NELL1: variants seen among roughly 807,000 people sequenced by gnomAD.
NELL1 encodes the protein protein kinase C-binding protein NELL1.
A neutral mutation model predicts 107.4 loss-of-function variants in NELL1; 76 were observed. The ratio of observed to expected loss-of-function variants is 0.71; its 90% CI spans 0.59 to 0.86. NELL1 has a LOEUF of 0.86. Among genes scored for constraint, NELL1 ranks in the 40% least tolerant of loss-of-function variants. The pLI is 0.00. For missense variants in NELL1, 1,024 were observed against 1,005.5 expected (o/e 1.02, Z -0.25); for synonymous variants, 353 against 341.2 (o/e 1.03, Z -0.38).
At chr11:21,000,799 C>T (rs571437309) in intron 12 of NELL1, 5 of 152,302 alleles carry the variant, frequency 3.3e-5, no homozygotes, top group Admixed American at 1.3e-4. Flanking sequence ...AGCCCACATG[C>T]GTAGAACAGA....
At chr11:20,792,430 T>A (rs1173855503) in intron 3 of NELL1, among the ~76,000 whole-genome samples, 1 of 152,026 alleles carries the variant, frequency 6.6e-6, no homozygotes, top group Non-Finnish European at 1.5e-5. Context: ...TTTCCAACTT[T>A]AATAAGGTCC....
chr11:21,206,350 A>G (rs1857389581), intron 13 of NELL1, among the ~76,000 whole-genome samples: 1 of 152,094 alleles, frequency 6.6e-6, no homozygotes, highest in Non-Finnish European at 1.5e-5. Context: ...GACACCAGTC[A>G]TTGGATTTAG....
intron 5 of NELL1, among the ~76,000 whole-genome samples, chr11:20,887,572 G>A (rs1720473): frequency 2.0e-5 from 3 of 152,100 alleles, no homozygotes; most frequent in Non-Finnish European, 4.4e-5. Context: ...AAATTTTTAA[G>A]GTAAAGCCAG....
chr11:21,499,525 G>A (rs1039759981), intron 15 of NELL1, among the ~76,000 whole-genome samples: 13 of 151,970 alleles, frequency 8.6e-5, no homozygotes, highest in Non-Finnish European at 2.9e-5. Flanking sequence ...TTTCTTCTTG[G>A]CCTTTTCACA....
chr11:20,937,853 A>G lies in NELL1; in HGVS notation c.1065A>G (p.Glu355=). The change falls in exon 10 of 20, where the codon GAA becomes GAG. Residue 355 remains glutamate, a synonymous_variant. Coordinates refer to ENST00000357134, the MANE Select transcript of NELL1 (RefSeq NM_006157.5). ...GQRILTKSCR[E]CRGGVLVKIT... ...GGATTTTAACCAAGAGCTGTCGGGA[A>G]TGCCGAGTAAGTGTTAATTTTATGG... The G allele has an allele frequency of 6.2e-7, 1 of 1,614,004 alleles. No homozygotes were observed. The highest frequency in any genetic ancestry group is 1.1e-5 in the South Asian group (1 of 91,086).
chr11:21,072,743 A>G (rs951754693), intron 12 of NELL1, among the ~76,000 whole-genome samples: 3 of 152,224 alleles, frequency 2.0e-5, no homozygotes, highest in African/African-American at 7.2e-5. Flanking sequence ...CTTCAAAGCT[A>G]TAATGAGACT....
chr11:20,824,672 T>A lies in NELL1; in HGVS notation c.336-22911T>A, dbSNP rs544214284. Among the ~76,000 whole-genome samples the A allele has an allele frequency of 4.6e-5, 7 of 151,502 alleles. No homozygotes were observed. The South Asian group carries it at 1.5e-3, about 32-fold the overall frequency. On this transcript the variant is annotated intron_variant, in intron 3 of 19. Transcript: ENST00000357134. ...AACTTGTTGGGAAATGGAGCAAATA[T>A]GACTCTTGTTATGCTTTAGCAAATA...
chr11:20,801,579 TTATG>T (rs1461671071), intron 3 of NELL1, among the ~76,000 whole-genome samples: 1 of 152,200 alleles, frequency 6.6e-6, no homozygotes, highest in Non-Finnish European at 1.5e-5. Context: ...TTTTTTAACT[TTATG>T]TAATCCCATT....
At chr11:20,780,301 A>C (rs1856828024) in intron 2 of NELL1, among the ~76,000 whole-genome samples, 1 of 152,232 alleles carries the variant, frequency 6.6e-6, no homozygotes, top group Admixed American at 6.5e-5. Context: ...AAACATCATT[A>C]CAATAAATTT....
chr11:20,793,418 A>T (rs891635728), intron 3 of NELL1, among the ~76,000 whole-genome samples: 2 of 152,050 alleles, frequency 1.3e-5, no homozygotes, highest in Non-Finnish European at 2.9e-5. Flanking sequence ...TCATGGGATC[A>T]TGTAATTTAT....
At chr11:21,469,460 A>G (rs1405554567) in intron 15 of NELL1, among the ~76,000 whole-genome samples, 1 of 152,014 alleles carries the variant, frequency 6.6e-6, no homozygotes, top group Non-Finnish European at 1.5e-5. Context: ...TTAGAATTTC[A>G]TAATTTCAGG....
At chr11:20,897,759 A>G (rs956442549) in intron 5 of NELL1, among the ~76,000 whole-genome samples, 2 of 152,258 alleles carry the variant, frequency 1.3e-5, no homozygotes, top group African/African-American at 4.8e-5. Context: ...TGGGCAAAGT[A>G]TATGGATAGA....
chr11:21,403,786 C>T (rs1852156105), intron 15 of NELL1, among the ~76,000 whole-genome samples: 1 of 151,670 alleles, frequency 6.6e-6, no homozygotes, highest in African/African-American at 2.4e-5. Context: ...GAAACAACAG[C>T]ATCTACCTGG....
At chr11:21,345,257 T>G (rs954727094) in intron 14 of NELL1, among the ~76,000 whole-genome samples, 8 of 152,190 alleles carry the variant, frequency 5.3e-5, no homozygotes, top group African/African-American at 1.9e-4. Context: ...TGAACACCAT[T>G]AAGTCCAATC....
At chr11:21,236,784 G>A (rs1858218435) in intron 14 of NELL1, among the ~76,000 whole-genome samples, 1 of 152,058 alleles carries the variant, frequency 6.6e-6, no homozygotes, top group Non-Finnish European at 1.5e-5. Flanking sequence ...GAGCTGGGAG[G>A]CACTGAACAT....
intron 2 of NELL1, among the ~76,000 whole-genome samples, chr11:20,709,397 A>G (rs1020583962): frequency 6.6e-6 from 1 of 152,198 alleles, no homozygotes. Flanking sequence ...CCATTGGTCT[A>G]TGTGACTATT....
At chr11:21,144,169 A>T (rs1223413320) in intron 13 of NELL1, among the ~76,000 whole-genome samples, 1 of 152,176 alleles carries the variant, frequency 6.6e-6, no homozygotes. Flanking sequence ...GGACTGTGTA[A>T]GGGAAACAGC....
intron 15 of NELL1, among the ~76,000 whole-genome samples, chr11:21,417,293 C>G (rs189405012): frequency 3.0e-4 from 45 of 152,000 alleles, no homozygotes; most frequent in African/African-American, 1.1e-3. Flanking sequence ...ATACCATATC[C>G]CAGTTTCCAT....
At chr11:20,961,518 C>T (rs1851290486) in intron 12 of NELL1, among the ~76,000 whole-genome samples, 1 of 152,280 alleles carries the variant, frequency 6.6e-6, no homozygotes, top group East Asian at 1.9e-4. Context: ...GGTCACTTTC[C>T]TCTAAGTGGT....
Sources: allele counts gnomAD v4.1 joint callset (sites outside exome capture counted in the v4.1 genomes callset), GRCh38; gene constraint gnomAD v4.1.1; transcripts MANE v1.5; gene names NCBI Gene and HGNC (gene_info 2026-07-23, HGNC 2026-07-21).